KCTD9: variants seen among roughly 807,000 people sequenced by gnomAD.
KCTD9 encodes BTB/POZ domain-containing protein KCTD9.
A neutral mutation model predicts 53.3 loss-of-function variants in KCTD9; 17 were observed. That is an observed-to-expected ratio of 0.32 (90% CI 0.22 to 0.48). KCTD9 has a LOEUF of 0.48. Among genes scored for constraint, KCTD9 ranks in the 20% least tolerant of loss-of-function variants. The pLI, the probability that KCTD9 is intolerant of heterozygous loss-of-function variation, is 0.99. For synonymous variants in KCTD9, 128 were observed against 162.7 expected (o/e 0.79, Z 1.62); for missense variants, 179 against 465.5 (o/e 0.38, Z 5.66).
At chr8:25,431,308 C>A (rs1477544704) in intron 11 of KCTD9, among the ~76,000 whole-genome samples, 1 of 152,040 alleles carries the variant, frequency 6.6e-6, no homozygotes, top group Non-Finnish European at 1.5e-5. Context: ...AACTGCCCTT[C>A]TTTTTAAAGC....
intron 6 of KCTD9, 127 bp downstream of exon 6, chr8:25,439,152 A>G: frequency 1.3e-6 from 1 of 773,060 alleles, no homozygotes; most frequent in Non-Finnish European, 1.9e-6. Flanking sequence ...CTAGTTTAAA[A>G]AATAGAAAAA....
chr8:25,437,831 G>A (rs1422731858), intron 6 of KCTD9, among the ~76,000 whole-genome samples: 4 of 116,506 alleles, frequency 3.4e-5, no homozygotes, highest in African/African-American at 1.4e-4. Flanking sequence ...CTGGGTGACA[G>A]AGCGAGACCC....
chr8:25,453,738 C>T (rs1802377886), intron 1 of KCTD9, among the ~76,000 whole-genome samples: 1 of 151,130 alleles, frequency 6.6e-6, no homozygotes, highest in African/African-American at 2.4e-5. Flanking sequence ...AAAAACAAAA[C>T]AGGAGTACAG....
Position 25,428,231 on chromosome 8 carries a change from C to T in KCTD9, c.*1626G>A, listed in dbSNP as rs1211342907. On this transcript the variant is annotated 3_prime_UTR_variant, in exon 12 of 12. Coordinates refer to ENST00000221200, the MANE Select transcript of KCTD9 (RefSeq NM_017634.4). ...AAATGATTTAAATATAATTTAGGCA[C>T]ATATTGATTATGAAAATAGATTATC... The T allele has an allele frequency of 6.6e-6, 1 of 152,576 alleles. No individual in the cohort carries two copies. Among genetic ancestry groups the T allele is most frequent in the African/African-American group, 2.4e-5 (1 of 41,424 alleles). The allele number at this position is 152,576 out of a possible 1,614,324, so 9.5% of individuals were successfully genotyped here. A position where few individuals can be genotyped will look rare whatever the true frequency, so the allele number is the denominator to read the frequency against.
At chr8:25,432,706 A>C in intron 10 of KCTD9, 69 bp from the exon 11 acceptor site, 1 of 1,414,656 alleles carries the variant, frequency 7.1e-7, no homozygotes, top group Non-Finnish European at 9.6e-7. Flanking sequence ...CAGAACTGCA[A>C]GATGACTTAA....
intron 1 of KCTD9, 140 bp downstream of exon 1, chr8:25,458,059 T>C: frequency 1.3e-6 from 1 of 781,882 alleles, no homozygotes. Flanking sequence ...GACCCTGTGC[T>C]GTCCCCGAGC....
chr8:25,439,560 T>C (rs376036436), intron 5 of KCTD9, 46 bp downstream of exon 5: 228 of 1,604,658 alleles, frequency 1.4e-4, no homozygotes, highest in Non-Finnish European at 1.8e-4. Flanking sequence ...TCAGCACAGA[T>C]ATAAAACAGG....
At chr8:25,447,718 AT>A (rs1424540304) in intron 1 of KCTD9, among the ~76,000 whole-genome samples, 1 of 152,236 alleles carries the variant, frequency 6.6e-6, no homozygotes, top group African/African-American at 2.4e-5. Flanking sequence ...GGCAAGAAAA[AT>A]TTAAGCGGAA....
In KCTD9 at chr8:25,458,420, T is replaced by C. The variant is rs1453488773; in HGVS notation, c.-174A>G. The C allele has an allele frequency of 1.4e-6, 1 of 723,358 alleles. No individual in the cohort carries two copies. The highest frequency in any genetic ancestry group is 2.8e-5 in the East Asian group (1 of 35,116). 44.8% of individuals were successfully genotyped at this position (723,358 alleles called of 1,614,324 possible). On this transcript the variant is annotated 5_prime_UTR_variant, in exon 1 of 12. Transcript: ENST00000221200. ...CACGCACTCTGTCCCACACCCAAGG[T>C]TCGGCCGGTCCTCCTTCCCACCCCG...
At chr8:25,451,222 C>T (rs1269975561) in intron 1 of KCTD9, among the ~76,000 whole-genome samples, 1 of 152,020 alleles carries the variant, frequency 6.6e-6, no homozygotes, top group Non-Finnish European at 1.5e-5. Context: ...AATTAGAAAC[C>T]AGGTTTTAAA....
chr8:25,435,347 C>A lies in KCTD9; in HGVS notation c.813+16G>T. On this transcript the variant is annotated intron_variant, in intron 9 of 11. Coordinates refer to ENST00000221200, the MANE Select transcript of KCTD9 (RefSeq NM_017634.4). ...TAAACATTTAATTTTCTCTTGTAGC[C>A]TAAAATGATACTTACGTCAAGCACT... is the stretch of plus-strand genomic sequence containing the variant. The A allele has an allele frequency of 1.9e-6, 3 of 1,542,786 alleles. No individual in the cohort carries two copies. Among genetic ancestry groups the A allele is most frequent in the Non-Finnish European group, 2.6e-6 (3 of 1,144,804 alleles).
chr8:25,448,721 C>G (rs1802262310), intron 1 of KCTD9, among the ~76,000 whole-genome samples: 1 of 151,974 alleles, frequency 6.6e-6, no homozygotes, highest in African/African-American at 2.4e-5. Flanking sequence ...TCGAGACCAG[C>G]TTGGGCAACA....
chr8:25,458,302 C>T lies in KCTD9; in HGVS notation c.-56G>A. On this transcript the variant is annotated 5_prime_UTR_variant, in exon 1 of 12. Coordinates refer to ENST00000221200, the MANE Select transcript of KCTD9 (RefSeq NM_017634.4). ...CGCCACCCTCCCACCTGGTCCTCCT[C>T]CCACCTTTTTCTCCTCCCGCCCTTC... The T allele has an allele frequency of 6.3e-7, 1 of 1,598,392 alleles. No homozygotes were observed. The highest frequency in any genetic ancestry group is 8.6e-7 in the Non-Finnish European group (1 of 1,169,416).
chr8:25,431,158 T>G (rs1444381471), intron 11 of KCTD9, among the ~76,000 whole-genome samples: 1 of 152,076 alleles, frequency 6.6e-6, no homozygotes, highest in African/African-American at 2.4e-5. Flanking sequence ...ATCAAAACAA[T>G]TTTACTATGA....
intron 4 of KCTD9, among the ~76,000 whole-genome samples, 190 bp downstream of exon 4, chr8:25,440,387 G>A (rs1802099880): frequency 6.6e-6 from 1 of 152,180 alleles, no homozygotes; most frequent in African/African-American, 2.4e-5. Flanking sequence ...CTGAAGTGAT[G>A]CCTTTTATGC....
chr8:25,450,442 C>G, intron 1 of KCTD9: 1 of 984,146 alleles, frequency 1.0e-6, no homozygotes, highest in Non-Finnish European at 1.2e-6. Context: ...TAGGACACAC[C>G]TTTTTTGTGT....
chr8:25,445,405 A>C (rs905729304), intron 2 of KCTD9, among the ~76,000 whole-genome samples: 1 of 152,146 alleles, frequency 6.6e-6, no homozygotes, highest in Non-Finnish European at 1.5e-5. Flanking sequence ...TTTGTATATC[A>C]TTATAGGTTA....
At chr8:25,446,055 C>G in intron 2 of KCTD9, 74 bp downstream of exon 2, 1 of 1,546,576 alleles carries the variant, frequency 6.5e-7, no homozygotes, top group Non-Finnish European at 8.8e-7. Flanking sequence ...GATTAAATTA[C>G]TGCTTAAGGG....
intron 8 of KCTD9, 36 bp from the exon 9 acceptor site, chr8:25,435,548 A>G (rs1192844993): frequency 6.4e-7 from 1 of 1,561,894 alleles, no homozygotes; most frequent in Admixed American, 2.0e-5. Context: ...ACCATAACTA[A>G]ATCGTCTGTT....
Sources: gnomAD v4.1 joint callset for allele counts (sites outside exome capture counted in the v4.1 genomes callset) on GRCh38, gnomAD v4.1.1 for gene constraint, MANE v1.5 for transcripts, NCBI Gene and HGNC (gene_info 2026-07-23, HGNC 2026-07-21) for gene names.